Variants in RBFOX1 observed in about 807,000 individuals in gnomAD.
RBFOX1 encodes the protein RNA binding protein fox-1 homolog 1.
In RBFOX1, 8 loss-of-function variants were observed where a neutral mutation model predicts 57.7. That is an observed-to-expected ratio of 0.14 (90% CI 0.08 to 0.25). The LOEUF is 0.25. RBFOX1 is among the 10% of genes least tolerant of loss of function. RBFOX1 has a pLI of 1.00. For missense variants in RBFOX1, 611 were observed against 548.5 expected, an observed-to-expected ratio of 1.11 and a Z score of -1.14; for synonymous variants, 326 against 222.4, an observed-to-expected ratio of 1.47 and a Z score of -4.15.
intron 2 of RBFOX1, among the ~76,000 whole-genome samples, chr16:6,558,230 A>C (rs767898112): frequency 6.6e-6 from 1 of 152,114 alleles, no homozygotes; most frequent in South Asian, 2.1e-4. Context: ...AAATGACTCT[A>C]TGTGGCTCGT....
intron 4 of RBFOX1, among the ~76,000 whole-genome samples, chr16:5,877,485 G>A (rs1180440873): frequency 6.6e-6 from 1 of 152,246 alleles, no homozygotes; most frequent in African/African-American, 2.4e-5. Context: ...GATGAGATGG[G>A]TCTTCCTTTC....
intron 4 of RBFOX1, among the ~76,000 whole-genome samples, chr16:7,363,300 G>C (rs2097366402): frequency 6.6e-6 from 1 of 152,130 alleles, no homozygotes; most frequent in Non-Finnish European, 1.5e-5. Context: ...GAGAAATCCT[G>C]TCTCCCATCT....
At position 5,337,472 on chromosome 16, in the gene RBFOX1, T is replaced by C. The variant is rs532010742; in HGVS notation, c.219+97367T>C. 2.0e-5 allele frequency among the ~76,000 whole-genome samples: 3 copies of C among 152,348 alleles called. No individual in the cohort carries two copies. The East Asian group carries it at 5.8e-4, about 29-fold the overall frequency. On this transcript the variant is annotated intron_variant, in intron 1 of 2. Transcript: ENST00000585867. ...CTAAAATATTTTTTTCCTAAGTAAATGCAGAAACTGGAAATTGTCCCTTCT... is the reference window on the plus strand; with the variant it reads ...CTAAAATATTTTTTTCCTAAGTAAACGCAGAAACTGGAAATTGTCCCTTCT...
intron 3 of RBFOX1, among the ~76,000 whole-genome samples, chr16:6,670,880 G>C (rs1297673903): frequency 1.3e-5 from 2 of 152,096 alleles, no homozygotes; most frequent in South Asian, 4.1e-4. Flanking sequence ...GGAGCCTGTA[G>C]TCCCAGCTAC....
At chr16:7,350,680 A>G (rs978444228) in intron 4 of RBFOX1, among the ~76,000 whole-genome samples, 3 of 152,200 alleles carry the variant, frequency 2.0e-5, no homozygotes, top group Non-Finnish European at 4.4e-5. Flanking sequence ...GCTAGTGAAT[A>G]TCCATATTTC....
At position 5,243,858 on chromosome 16, in the gene RBFOX1, A is replaced by G. The variant is rs142507783; in HGVS notation, c.219+3753A>G. Among the ~76,000 whole-genome samples the G allele has an allele frequency of 2.5e-3, 383 of 152,288 alleles. 2 individuals are homozygous for G. The highest frequency in any genetic ancestry group is 4.0e-3 in the Non-Finnish European group (272 of 68,022). On this transcript the variant is annotated intron_variant, in intron 1 of 2. Coordinates refer to the RBFOX1 transcript ENST00000585867. ...AGGTTATATGGGATTTACTGAGATA[A>G]TAAGACAGTACATGGAAAATGCTGG...
At position 6,587,932 on chromosome 16, in the gene RBFOX1, A is replaced by G. The variant is rs550404289; in HGVS notation, c.-63-66671A>G. Among the ~76,000 whole-genome samples the G allele has an allele frequency of 4.6e-5, 7 of 152,304 alleles. No individual in the cohort carries two copies. In the South Asian group the frequency reaches 1.5e-3, roughly 32 times the overall value. ...TAAAGGCTTCAACATGCTTCTCTTA[A>G]AAACAAGGCGGTTTTTGCCTGGCAC... On this transcript the variant is annotated intron_variant, in intron 2 of 15. Coordinates refer to ENST00000550418, the MANE Select transcript of RBFOX1 (RefSeq NM_018723.4).
At chr16:5,393,632 A>T (rs1161397779) in intron 1 of RBFOX1, among the ~76,000 whole-genome samples, 1 of 152,006 alleles carries the variant, frequency 6.6e-6, no homozygotes, top group East Asian at 1.9e-4. Context: ...TTGTTACTTC[A>T]TGTGTCATCC....
intron 3 of RBFOX1, among the ~76,000 whole-genome samples, chr16:5,808,905 C>G (rs1344125991): frequency 6.6e-6 from 1 of 152,114 alleles, no homozygotes; most frequent in African/African-American, 2.4e-5. Flanking sequence ...ATTAAATACC[C>G]TTTGTTTCCT....
intron 3 of RBFOX1, among the ~76,000 whole-genome samples, chr16:6,727,722 G>A (rs531815345): frequency 6.6e-5 from 10 of 152,130 alleles, no homozygotes; most frequent in Admixed American, 5.9e-4. Flanking sequence ...GGGCTCACAC[G>A]TGTGAGTCTC....
In RBFOX1 at chr16:5,321,690, C is replaced by G. The variant is rs547437987; in HGVS notation, c.219+81585C>G. Among the ~76,000 whole-genome samples, 26 of 152,152 alleles carry G rather than the reference C, an allele frequency of 1.7e-4. No homozygotes were observed. In the East Asian group the frequency reaches 2.3e-3, roughly 14 times the overall value. On this transcript the variant is annotated intron_variant, in intron 1 of 2. Coordinates refer to the RBFOX1 transcript ENST00000585867. ...AGTAGATAGGGGAAGTGGTGGTGGCCGTCATGGTCCATCTTCCTCCTTCCA... is the reference window on the plus strand; with the variant it reads ...AGTAGATAGGGGAAGTGGTGGTGGCGGTCATGGTCCATCTTCCTCCTTCCA...
At chr16:7,622,225 C>G (rs2059421865) in intron 10 of RBFOX1, among the ~76,000 whole-genome samples, 1 of 151,108 alleles carries the variant, frequency 6.6e-6, no homozygotes, top group African/African-American at 2.5e-5. Flanking sequence ...TCTGTGTCAC[C>G]TCAGGCAAGG....
At chr16:6,513,251 T>C (rs1218953768) in intron 2 of RBFOX1, among the ~76,000 whole-genome samples, 7 of 152,200 alleles carry the variant, frequency 4.6e-5, no homozygotes, top group Non-Finnish European at 8.8e-5. Context: ...TGCTGGGCAC[T>C]TAGCACAGTG....
At chr16:7,305,136 T>C (rs1201981121) in intron 4 of RBFOX1, among the ~76,000 whole-genome samples, 4 of 152,044 alleles carry the variant, frequency 2.6e-5, no homozygotes, top group Non-Finnish European at 5.9e-5. Flanking sequence ...TGTGTGCGTG[T>C]GTGGGTTTTT....
At chr16:7,256,425 C>G (rs533456704) in intron 4 of RBFOX1, among the ~76,000 whole-genome samples, 1 of 152,306 alleles carries the variant, frequency 6.6e-6, no homozygotes, top group South Asian at 2.1e-4. Context: ...GAGAAGCCTA[C>G]ACTAGTTTGT....
At chr16:5,849,876 G>T (rs2056850254) in intron 3 of RBFOX1, among the ~76,000 whole-genome samples, 1 of 152,142 alleles carries the variant, frequency 6.6e-6, no homozygotes, top group Non-Finnish European at 1.5e-5. Flanking sequence ...CCAAAAGCAT[G>T]TTTTCAGCTA....
intron 3 of RBFOX1, among the ~76,000 whole-genome samples, chr16:7,019,131 T>C (rs906645888): frequency 2.3e-4 from 35 of 152,138 alleles, no homozygotes; most frequent in African/African-American, 5.8e-4. Context: ...ATGATACTGA[T>C]TGAGTTGAAA....
intron 3 of RBFOX1, among the ~76,000 whole-genome samples, chr16:7,042,986 T>C (rs1034954071): frequency 2.0e-5 from 3 of 152,160 alleles, no homozygotes; most frequent in Non-Finnish European, 4.4e-5. Flanking sequence ...ATAGTTAAAA[T>C]TGAGCAAAAC....
At chr16:6,965,151 T>A (rs745673375) in intron 3 of RBFOX1, among the ~76,000 whole-genome samples, 1 of 152,146 alleles carries the variant, frequency 6.6e-6, no homozygotes, top group African/African-American at 2.4e-5. Flanking sequence ...CAAGGGCAAC[T>A]GTACTGCTGC....
Sources: allele counts gnomAD v4.1 joint callset (sites outside exome capture counted in the v4.1 genomes callset), GRCh38; gene constraint gnomAD v4.1.1; transcripts MANE v1.5; gene names NCBI Gene and HGNC (gene_info 2026-07-23, HGNC 2026-07-21).